CCR10: variants seen among roughly 807,000 people sequenced by gnomAD.
The protein encoded by CCR10 is C-C chemokine receptor type 10.
In CCR10, 11 loss-of-function variants were observed where a neutral mutation model predicts 11.9. That is an observed-to-expected ratio of 0.92 (90% CI 0.58 to 1.53). The LOEUF is 1.53. Ranked by LOEUF, CCR10 falls within the 40% of genes most tolerant of loss-of-function variation. The probability of loss-of-function intolerance (pLI) is 0.00; values close to 1 mark genes in which losing one functional copy is unlikely to be tolerated. For missense variants in CCR10, 428 were observed against 496.6 expected, an observed-to-expected ratio of 0.86 and a Z score of 1.31; for synonymous variants, 224 against 245.4, an observed-to-expected ratio of 0.91 and a Z score of 0.81.
In CCR10 at chr17:42,680,264, G is replaced by A. The variant is rs377734034; in HGVS notation, c.378C>T (p.Ala126=). The change falls in exon 2 of 2, where the codon GCC becomes GCT. Residue 126 remains alanine, a synonymous_variant. Transcript: ENST00000332438. ...ISGLYSASFH[A]GFLFLACISA... ...TGATACAGGCCAGGAAGAGGAAGCC[G>A]GCGTGGAAGGAGGCCGAGTAGAGGC... 7 of 1,573,776 alleles carry A rather than the reference G, an allele frequency of 4.4e-6. No individual in the cohort carries two copies. Among genetic ancestry groups the A allele is most frequent in the African/African-American group, 1.3e-5 (1 of 74,082 alleles).
chr17:42,680,004 G>A lies in CCR10; in HGVS notation c.638C>T (p.Ala213Val), dbSNP rs536224679. 33 of 1,578,332 alleles carry A rather than the reference G, an allele frequency of 2.1e-5. No homozygotes were observed. The South Asian group carries it at 3.8e-4, about 18-fold the overall frequency. ...GCCCAGCGGCAGCGCGAAGCCCAGG[G>A]CCACCTGCGCCACGGCGCTCGCCCC... ...VKGASAVAQV[A>V]LGFALPLGVM... Residue 213 changes from alanine (A) to valine (V), a missense_variant, in exon 2 of 2, where the codon GCC (alanine) becomes GTC (valine). Coordinates refer to ENST00000332438, the MANE Select transcript of CCR10 (RefSeq NM_016602.3).
At chr17:42,681,284 G>A (rs780137277) in intron 1 of CCR10, 46 of 157,564 alleles carry the variant, frequency 2.9e-4, no homozygotes, top group Admixed American at 6.4e-4. Context: ...CCAAAGTACT[G>A]GGATTACAGG....
At chr17:42,681,365 G>T (rs370675716) in intron 1 of CCR10, 1 of 191,848 alleles carries the variant, frequency 5.2e-6, no homozygotes, top group Non-Finnish European at 1.1e-5. Context: ...CCTTTGCAGC[G>T]CCCTCTCCTG....
intron 1 of CCR10, 26 bp downstream of exon 1, chr17:42,681,774 C>T: frequency 6.4e-7 from 1 of 1,555,448 alleles, no homozygotes; most frequent in Non-Finnish European, 8.9e-7. Context: ...TGTAACCCTT[C>T]TCCCCCTCCC....
intron 1 of CCR10, 71 bp from the exon 2 acceptor site, chr17:42,680,688 G>T (rs1178889168): frequency 8.2e-6 from 9 of 1,100,672 alleles, no homozygotes; most frequent in Non-Finnish European, 1.1e-5. Context: ...GCCCACACTT[G>T]CCTTCCAAGC....
Position 42,679,983 on chromosome 17 carries a change from AGCGGCAGCGCGAAGCCCAGGGCCACCTGC to A in CCR10, c.630_658del (p.Gln211GlyfsTer148). ...CGCGTAGCAGGCTACCATGACGCCC[AGCGGCAGCGCGAAGCCCAGGGCCACCTGC>A]GCCACGGCGCTCGCCCCCTTCACCG... On this transcript the variant is annotated frameshift_variant, in exon 2 of 2. Coordinates refer to ENST00000332438, the MANE Select transcript of CCR10 (RefSeq NM_016602.3). LOFTEE classifies it high-confidence loss of function. 1 of 1,570,078 alleles carries A rather than the reference AGCGGCAGCGCGAAGCCCAGGGCCACCTGC, an allele frequency of 6.4e-7. No individual in the cohort carries two copies. Among genetic ancestry groups the A allele is most frequent in the Non-Finnish European group, 8.6e-7 (1 of 1,163,290 alleles).
intron 1 of CCR10, 112 bp from the exon 2 acceptor site, chr17:42,680,729 T>C (rs1232832897): frequency 1.4e-6 from 1 of 727,492 alleles, no homozygotes; most frequent in Non-Finnish European, 2.3e-6. Flanking sequence ...GATGTAACAG[T>C]ACACGGGGAG....
In CCR10 at chr17:42,679,938, A is replaced by G; in HGVS notation, c.704T>C (p.Leu235Pro). ...ACYALLGRTL[L>P]AARGPERRRA... ...CCGGCGCTCGGGCCCCCTGGCGGCC[A>G]GCAGCGTGCGGCCCAGAAGCGCGTA... is the stretch of plus-strand genomic sequence containing the variant. Residue 235 changes from leucine (L) to proline (P), a missense_variant, in exon 2 of 2, where the codon CTG (leucine) becomes CCG (proline). By Grantham distance (98) the Leu-to-Pro change is moderately conservative (BLOSUM62 -3). Coordinates refer to ENST00000332438, the MANE Select transcript of CCR10 (RefSeq NM_016602.3). 3.9e-6 allele frequency: 6 copies of G among 1,555,444 alleles called. No homozygotes were observed. The highest frequency in any genetic ancestry group is 1.7e-4 in the Middle Eastern group (1 of 5,888).
chr17:42,681,787 C>A lies in CCR10; in HGVS notation c.24+13G>T. 6.3e-7 allele frequency: 1 copy of A among 1,599,674 alleles called. No individual in the cohort carries two copies. The highest frequency in any genetic ancestry group is 8.6e-7 in the Non-Finnish European group (1 of 1,167,030). On this transcript the variant is annotated intron_variant, in intron 1 of 1. Transcript: ENST00000332438. ...TCTGTAACCCTTCTCCCCCTCCCTGCCCCCACTCCCACCTGCTCTGTGGCC... is the reference window on the plus strand; with the variant it reads ...TCTGTAACCCTTCTCCCCCTCCCTGACCCCACTCCCACCTGCTCTGTGGCC...
Position 42,680,348 on chromosome 17 carries a change from C to T in CCR10, c.294G>A (p.Ala98=). ...DLLLALTLPF[A]AAGALQGWSL... is the part of the protein sequence containing the mutation. ...TCCAGCCCTGAAGAGCCCCTGCTGC[C>T]GCGAAGGGCAGAGTCAGGGCCAGCA... is the stretch of plus-strand genomic sequence containing the variant. Residue 98 remains alanine (A), a synonymous_variant, in exon 2 of 2, where the codon GCG becomes GCA. Coordinates refer to ENST00000332438, the MANE Select transcript of CCR10 (RefSeq NM_016602.3). 1.3e-6 allele frequency: 2 copies of T among 1,553,064 alleles called. No individual in the cohort carries two copies. The highest frequency in any genetic ancestry group is 1.7e-6 in the Non-Finnish European group (2 of 1,148,334).
Position 42,680,183 on chromosome 17 carries a change from G to A in CCR10, c.459C>T (p.Ser153=), listed in dbSNP as rs898720566. 6.2e-7 allele frequency: 1 copy of A among 1,609,496 alleles called. No homozygotes were observed. The highest frequency in any genetic ancestry group is 1.3e-5 in the African/African-American group (1 of 74,836). The change falls in exon 2 of 2, where the codon TCC becomes TCT. Residue 153 remains serine, a synonymous_variant. Transcript: ENST00000332438. ...AGACCAAGTGTGCGCGGCCGGGAGTGGAGGGCCGCGGCCCGGCTGGGAGCG... is the reference window on the plus strand; with the variant it reads ...AGACCAAGTGTGCGCGGCCGGGAGTAGAGGGCCGCGGCCCGGCTGGGAGCG... The part of the protein sequence containing the change: ...ARALPAGPRP[S]TPGRAHLVSV...
chr17:42,680,529 G>C lies in CCR10; in HGVS notation c.113C>G (p.Ala38Gly). 1 of 1,612,250 alleles carries C rather than the reference G, an allele frequency of 6.2e-7. No homozygotes were observed. Among genetic ancestry groups the C allele is most frequent in the South Asian group, 1.1e-5 (1 of 90,984 alleles). Residue 38 changes from alanine to glycine, a missense_variant, in exon 2 of 2, where the codon GCC becomes GGC. Transcript: ENST00000332438. ...PELCYKADVQ[A>G]FSRAFQPSVS... ...ACTGGGTTGGAAGGCCCGGCTGAAG[G>C]CCTGGACATCGGCCTTGTAGCAAAG...
rs2143635788 is a variant in CCR10 at position 42,680,221 on chromosome 17, C to T, written c.421G>A (p.Ala141Thr). The T allele has an allele frequency of 1.9e-6, 3 of 1,597,562 alleles. No homozygotes were observed. Among genetic ancestry groups the T allele is most frequent in the Non-Finnish European group, 1.7e-6 (2 of 1,172,774 alleles). The change falls in exon 2 of 2, where the codon GCC becomes ACC. Residue 141 changes from alanine (A) to threonine (T), a missense_variant. Coordinates refer to ENST00000332438, the MANE Select transcript of CCR10 (RefSeq NM_016602.3). ...LACISADRYV[A>T]IARALPAGPR... is the part of the protein sequence containing the mutation. ...CCGGCTGGGAGCGCTCGCGCGATGG[C>T]CACGTAGCGGTCGGCGCTGATACAG...
Position 42,679,606 on chromosome 17 carries a change from G to A in CCR10, c.1036C>T (p.Leu346Phe). ...PRRGCPRRPR[L>F]SSCSAPTETH... is the part of the protein sequence containing the mutation. ...TCCGTGGGAGCTGAGCAGGAAGAAA[G>A]GCGGGGCCGGCGGGGGCAGCCGCGG... Residue 346 changes from leucine to phenylalanine, a missense_variant, in exon 2 of 2, where the codon CTT (leucine) becomes TTT (phenylalanine). Coordinates refer to ENST00000332438, the MANE Select transcript of CCR10 (RefSeq NM_016602.3). 6.7e-7 allele frequency: 1 copy of A among 1,483,874 alleles called. No individual in the cohort carries two copies. Among genetic ancestry groups the A allele is most frequent in the Non-Finnish European group, 8.9e-7 (1 of 1,122,176 alleles). 91.9% of individuals were successfully genotyped at this position (1,483,874 alleles called of 1,614,324 possible).
rs776284038 is a variant in CCR10, at chr17:42,679,657, T to C, written c.985A>G (p.Ser329Gly). The C allele has an allele frequency of 2.5e-5, 38 of 1,507,114 alleles. No individual in the cohort carries two copies. The East Asian group carries it at 6.7e-4, about 26-fold the overall frequency. 93.4% of individuals were successfully genotyped at this position (1,507,114 alleles called of 1,614,324 possible). ...QDLRRLLRGG[S>G]CPSGPQPRRG... is the part of the protein sequence containing the mutation. ...CGGGGTTGAGGCCCTGAGGGGCAGC[T>C]CCCACCCCGTAGCAGCCTCCGCAGG... Residue 329 changes from serine (S) to glycine (G), a missense_variant, in exon 2 of 2, where the codon AGC becomes GGC. Coordinates refer to ENST00000332438, the MANE Select transcript of CCR10 (RefSeq NM_016602.3).
rs955181145 is a variant in CCR10 at position 42,679,994 on chromosome 17, G to A, written c.648C>T (p.Phe216=). 3.2e-6 allele frequency: 5 copies of A among 1,574,232 alleles called. No homozygotes were observed. The South Asian group carries it at 4.6e-5, about 14-fold the overall frequency. Residue 216 remains phenylalanine (F), a synonymous_variant, in exon 2 of 2, where the codon TTC becomes TTT. Transcript: ENST00000332438. ...CTACCATGACGCCCAGCGGCAGCGC[G>A]AAGCCCAGGGCCACCTGCGCCACGG... ...ASAVAQVALG[F]ALPLGVMVAC...
At chr17:42,681,609 A>G (rs1260450385) in intron 1 of CCR10, among the ~76,000 whole-genome samples, 191 bp downstream of exon 1, 1 of 152,150 alleles carries the variant, frequency 6.6e-6, no homozygotes, top group African/African-American at 2.4e-5. Context: ...CCTCAGCCCT[A>G]GTCCCTGTCC....
Position 42,680,180 on chromosome 17 carries a change from AG to A in CCR10, c.461del (p.Thr154IlefsTer50). On this transcript the variant is annotated frameshift_variant, in exon 2 of 2. Transcript: ENST00000332438. LOFTEE classifies it high-confidence loss of function. The part of the protein sequence containing the change: ...RALPAGPRPS[T>X]PGRAHLVSVI... ...CGGAGACCAAGTGTGCGCGGCCGGG[AG>A]TGGAGGGCCGCGGCCCGGCTGGGAG... is the stretch of plus-strand genomic sequence containing the variant. The A allele has an allele frequency of 6.2e-7, 1 of 1,610,224 alleles. No individual in the cohort carries two copies. The highest frequency in any genetic ancestry group is 8.5e-7 in the Non-Finnish European group (1 of 1,178,938).
Position 42,679,969 on chromosome 17 carries a change from C to A in CCR10, c.673G>T (p.Ala225Ser). Residue 225 changes from alanine to serine, a missense_variant, in exon 2 of 2, where the codon GCC becomes TCC. Coordinates refer to ENST00000332438, the MANE Select transcript of CCR10 (RefSeq NM_016602.3). The stretch of plus-strand genomic sequence containing the variant: ...GTGCGGCCCAGAAGCGCGTAGCAGG[C>A]TACCATGACGCCCAGCGGCAGCGCG... ...GFALPLGVMV[A>S]CYALLGRTLL... The A allele has an allele frequency of 6.4e-7, 1 of 1,565,722 alleles. No individual in the cohort carries two copies. Among genetic ancestry groups the A allele is most frequent in the East Asian group, 2.3e-5 (1 of 43,166 alleles).
Sources: allele counts gnomAD v4.1 joint callset (sites outside exome capture counted in the v4.1 genomes callset), GRCh38; gene constraint gnomAD v4.1.1; transcripts MANE v1.5; gene names NCBI Gene and HGNC (gene_info 2026-07-23, HGNC 2026-07-21).